Variants in ESR1 observed in about 807,000 individuals in gnomAD.
The protein encoded by ESR1 is estrogen receptor 1.
Under a neutral mutation model 52.7 loss-of-function variants are expected in ESR1, and 12 were observed. The observed-to-expected ratio is 0.23, with a 90% CI of 0.15 to 0.37. The LOEUF is 0.37. Among genes scored for constraint, ESR1 ranks in the 10% least tolerant of loss-of-function variants. The probability of loss-of-function intolerance (pLI) is 1.00; values close to 1 mark genes in which losing one functional copy is unlikely to be tolerated. For synonymous variants in ESR1, 305 were observed against 316.8 expected (o/e 0.96, Z 0.39); for missense variants, 584 against 779.7 (o/e 0.75, Z 2.99).
intron 2 of ESR1, among the ~76,000 whole-genome samples, chr6:151,737,325 CTT>C (rs934536155): frequency 3.3e-5 from 5 of 152,148 alleles, no homozygotes; most frequent in Non-Finnish European, 5.9e-5. Context: ...TTTGAAGCCT[CTT>C]TATTCATCTT....
At chr6:151,752,170 T>C (rs370381160) in intron 2 of ESR1, among the ~76,000 whole-genome samples, 2 of 152,202 alleles carry the variant, frequency 1.3e-5, no homozygotes, top group South Asian at 4.1e-4. Flanking sequence ...AAAGCAGCCA[T>C]GTCCAATTAG....
At chr6:151,902,648 C>A (rs1248666158) in intron 3 of ESR1, among the ~76,000 whole-genome samples, 2 of 152,134 alleles carry the variant, frequency 1.3e-5, no homozygotes, top group Admixed American at 6.5e-5. Flanking sequence ...AGATACGTAA[C>A]CTCTTCAGAC....
At chr6:151,759,133 G>T (rs956834238) in intron 2 of ESR1, among the ~76,000 whole-genome samples, 1 of 151,748 alleles carries the variant, frequency 6.6e-6, no homozygotes, top group African/African-American at 2.4e-5. Flanking sequence ...AAATTAGCTG[G>T]GTGTGGTGGT....
At chr6:151,972,759 G>A (rs539485321) in intron 4 of ESR1, among the ~76,000 whole-genome samples, 2 of 152,156 alleles carry the variant, frequency 1.3e-5, no homozygotes, top group African/African-American at 4.8e-5. Flanking sequence ...ACGATCACAA[G>A]GTTGGGTTCC....
At chr6:151,711,930 T>G (rs1379792764) in intron 2 of ESR1, among the ~76,000 whole-genome samples, 1 of 152,236 alleles carries the variant, frequency 6.6e-6, no homozygotes. Context: ...TCCATGCCTG[T>G]GTCCTAAATG....
In ESR1 at chr6:152,122,721, G is replaced by A. The variant is rs376243097; in HGVS notation, c.851-2545G>A. The A allele has an allele frequency of 4.7e-5, 75 of 1,611,418 alleles. No homozygotes were observed. The Admixed American group carries it at 4.8e-4, about 10-fold the overall frequency. On this transcript the variant is annotated intron_variant, in intron 6 of 6. Coordinates refer to the ESR1 transcript ENST00000427531. ...AAATTACTCAGATAACTCCAGTGTC[G>A]GAGGGACGCTGCTTTTTGCCTCTGC... is the stretch of plus-strand genomic sequence containing the variant.
rs1017052424 is a variant in ESR1, at chr6:151,893,356, G to T, written c.760+12585G>T. Among the ~76,000 whole-genome samples, 5 of 152,170 alleles carry T rather than the reference G, an allele frequency of 3.3e-5. 1 individual carries two copies. In the South Asian group the frequency reaches 1.0e-3, roughly 32 times the overall value. ...AGAGCTAGACTCCATCTCAAAAAAA[G>T]AAAAGAAATGTTCTGGTCATGCCTG... On this transcript the variant is annotated intron_variant, in intron 3 of 7. Coordinates refer to ENST00000206249, the MANE Select transcript of ESR1 (RefSeq NM_000125.4).
chr6:152,038,906 A>C (rs2045553442), intron 5 of ESR1, among the ~76,000 whole-genome samples: 1 of 152,154 alleles, frequency 6.6e-6, no homozygotes, highest in African/African-American at 2.4e-5. Context: ...TGGATCCCAA[A>C]GTGATCCACC....
intron 1 of ESR1, among the ~76,000 whole-genome samples, chr6:151,831,736 A>G (rs1429848796): frequency 6.6e-6 from 1 of 152,180 alleles, no homozygotes; most frequent in Admixed American, 6.6e-5. Context: ...TGCTTAGAGT[A>G]CTTTCAAGGG....
chr6:151,785,230 A>G (rs1786905867), intron 2 of ESR1, among the ~76,000 whole-genome samples: 1 of 152,214 alleles, frequency 6.6e-6, no homozygotes, highest in Admixed American at 6.5e-5. Context: ...CAGTGACAGG[A>G]CAGTGAAAGA....
chr6:151,758,757 A>C (rs1349400357), intron 2 of ESR1, among the ~76,000 whole-genome samples: 1 of 144,306 alleles, frequency 6.9e-6, no homozygotes, highest in Non-Finnish European at 1.5e-5. Context: ...ACTCTGTCTC[A>C]AATTAAAAAA....
upstream of ESR1, among the ~76,000 whole-genome samples, chr6:151,690,116 G>A (rs1778844530): frequency 6.6e-6 from 1 of 152,124 alleles, no homozygotes; most frequent in Admixed American, 6.5e-5. Flanking sequence ...GAGTAAGAAA[G>A]TCCCAAAAAA....
intron 1 of ESR1, among the ~76,000 whole-genome samples, chr6:151,839,220 G>A (rs1369999640): frequency 6.6e-6 from 1 of 152,198 alleles, no homozygotes; most frequent in African/African-American, 2.4e-5. Context: ...GAACAGGGAT[G>A]TTGATTCAAG....
chr6:151,955,513 T>C (rs2036806371), intron 4 of ESR1, among the ~76,000 whole-genome samples: 1 of 152,212 alleles, frequency 6.6e-6, no homozygotes, highest in African/African-American at 2.4e-5. Flanking sequence ...GGGATTTCTC[T>C]TATCTAAAAC....
chr6:152,097,720 C>G (rs914176336), intron 7 of ESR1, among the ~76,000 whole-genome samples: 11 of 152,022 alleles, frequency 7.2e-5, no homozygotes, highest in Non-Finnish European at 1.2e-4. Context: ...GCCTACATTT[C>G]CCTCTGCCCA....
At chr6:152,110,847 C>G (rs2051123998) in intron 6 of ESR1, among the ~76,000 whole-genome samples, 1 of 152,096 alleles carries the variant, frequency 6.6e-6, no homozygotes, top group African/African-American at 2.4e-5. Context: ...AGAAATGTGT[C>G]CCGGTTGTCT....
At chr6:151,966,087 C>T (rs1354500499) in intron 4 of ESR1, among the ~76,000 whole-genome samples, 1 of 152,054 alleles carries the variant, frequency 6.6e-6, no homozygotes, top group Non-Finnish European at 1.5e-5. Context: ...TTTTCAGAAT[C>T]GATATGTACT....
In ESR1 at chr6:151,753,169, T is replaced by A. The variant is rs148391074; in HGVS notation, c.-71+51164T>A. ...TGTTGACGTGCTTTAAAGCTAGGATTATGGTATCCTGCCAAAAAGATCCTA... is the reference window on the plus strand; with the variant it reads ...TGTTGACGTGCTTTAAAGCTAGGATAATGGTATCCTGCCAAAAAGATCCTA... On this transcript the variant is annotated intron_variant, in intron 2 of 2. Transcript: ENST00000404742. 2.3e-3 allele frequency among the ~76,000 whole-genome samples: 349 copies of A among 152,334 alleles called. 2 individuals are homozygous for A. Among genetic ancestry groups the A allele is most frequent in the African/African-American group, 8.0e-3 (332 of 41,580 alleles).
chr6:151,682,443 T>C (rs543349061), intron 1 of ESR1, among the ~76,000 whole-genome samples: 5 of 152,318 alleles, frequency 3.3e-5, no homozygotes, highest in Admixed American at 2.0e-4. Context: ...AACTTGATAA[T>C]TGCTGAGTAG....
Sources: allele counts gnomAD v4.1 joint callset (sites outside exome capture counted in the v4.1 genomes callset), GRCh38; gene constraint gnomAD v4.1.1; transcripts MANE v1.5; gene names NCBI Gene and HGNC (gene_info 2026-07-23, HGNC 2026-07-21).